VDAC2: variants seen among roughly 807,000 people sequenced by gnomAD.
VDAC2 encodes non-selective voltage-gated ion channel VDAC2.
A neutral mutation model predicts 36.6 loss-of-function variants in VDAC2; 6 were observed. The observed-to-expected ratio is 0.16, with a 90% confidence interval of 0.09 to 0.32. The LOEUF (loss-of-function observed/expected upper bound fraction) is 0.32, where lower values mean the gene tolerates loss of function less well. Ranked by LOEUF, VDAC2 falls within the 10% of genes least tolerant of loss-of-function variation. The pLI, the probability that VDAC2 is intolerant of heterozygous loss-of-function variation, is 1.00. For synonymous variants in VDAC2, 109 were observed against 123.8 expected, an observed-to-expected ratio of 0.88 and a Z score of 0.79; for missense variants, 247 against 346.0, an observed-to-expected ratio of 0.71 and a Z score of 2.27.
chr10:75,222,996 C>G (rs75586341), intron 8 of VDAC2, among the ~76,000 whole-genome samples: 3 of 93,640 alleles, frequency 3.2e-5, no homozygotes, highest in Non-Finnish European at 6.8e-5. Flanking sequence ...TTTTTTTTTT[C>G]TTTTTTGAGA....
chr10:75,227,576 A>AGTTTTTTTTTTTTT (rs1841989654), intron 8 of VDAC2, among the ~76,000 whole-genome samples: 8 of 90,770 alleles, frequency 8.8e-5, no homozygotes, highest in African/African-American at 4.3e-4. Flanking sequence ...AAATAATAGG[A>AGTTTTTTTTTTTTT]ATTTTTTTTT....
At chr10:75,224,965 C>CT (rs1285470613) in intron 8 of VDAC2, among the ~76,000 whole-genome samples, 42 of 152,212 alleles carry the variant, frequency 2.8e-4, no homozygotes, top group Admixed American at 2.7e-3. Context: ...GCAAATATCT[C>CT]TAATTCTTAC....
At chr10:75,212,922 G>T (rs1841473657) in intron 3 of VDAC2, among the ~76,000 whole-genome samples, 1 of 152,058 alleles carries the variant, frequency 6.6e-6, no homozygotes, top group South Asian at 2.1e-4. Flanking sequence ...TGCTTTTGTG[G>T]TGACTCCTAA....
chr10:75,229,776 C>A lies in VDAC2; in HGVS notation c.793+75C>A, dbSNP rs544286549. ...AGTTTTCATTCTTCAGCTTACTTTT[C>A]AGACCTTTCAAGCACACAGAAGAGT... On this transcript the variant is annotated intron_variant, in intron 9 of 9. Coordinates refer to ENST00000332211, the MANE Select transcript of VDAC2 (RefSeq NM_001391963.1). The A allele has an allele frequency of 1.5e-5, 18 of 1,213,908 alleles. No individual in the cohort carries two copies. The South Asian group carries it at 2.4e-4, about 16-fold the overall frequency. 75.2% of individuals were successfully genotyped at this position (1,213,908 alleles called of 1,614,324 possible).
chr10:75,219,888 C>CTCACT (rs1841751908), intron 6 of VDAC2, among the ~76,000 whole-genome samples: 1 of 147,022 alleles, frequency 6.8e-6, no homozygotes, highest in Non-Finnish European at 1.5e-5. Flanking sequence ...AGTGCAGTGG[C>CTCACT]GCGATCTCGG....
In VDAC2 at chr10:75,219,049, G is replaced by C; in HGVS notation, c.151-14G>C. The C allele has an allele frequency of 1.2e-6, 2 of 1,603,452 alleles. No individual in the cohort carries two copies. Among genetic ancestry groups the C allele is most frequent in the Non-Finnish European group, 1.7e-6 (2 of 1,176,444 alleles). Reference sequence around the variant, plus strand: ...TTATGAGAATGTTCATGAAGTTATTGATTGTCTTGTTAGGAATTTTCAACG... The same window carrying C: ...TTATGAGAATGTTCATGAAGTTATTCATTGTCTTGTTAGGAATTTTCAACG... On this transcript the variant is annotated splice_polypyrimidine_tract_variant and intron_variant, in intron 4 of 9. Coordinates refer to ENST00000332211, the MANE Select transcript of VDAC2 (RefSeq NM_001391963.1).
At chr10:75,223,911 G>A (rs979293178) in intron 8 of VDAC2, among the ~76,000 whole-genome samples, 5 of 152,260 alleles carry the variant, frequency 3.3e-5, no homozygotes, top group African/African-American at 1.2e-4. Flanking sequence ...AAGGTGGCAT[G>A]TCTGGAGAGG....
At chr10:75,226,753 C>G (rs1191061415) in intron 8 of VDAC2, among the ~76,000 whole-genome samples, 3 of 152,136 alleles carry the variant, frequency 2.0e-5, no homozygotes, top group African/African-American at 4.8e-5. Flanking sequence ...CGAGCCACTG[C>G]GCCCTGGGCT....
intron 3 of VDAC2, 62 bp from the exon 4 acceptor site, chr10:75,213,959 A>G (rs1284196576): frequency 1.4e-5 from 21 of 1,538,020 alleles, no homozygotes; most frequent in African/African-American, 2.7e-5. Context: ...ATAGTCAACA[A>G]TTGCTATGCA....
chr10:75,221,591 A>G (rs1185593073), intron 7 of VDAC2, among the ~76,000 whole-genome samples: 1 of 152,208 alleles, frequency 6.6e-6, no homozygotes. Context: ...TGCTGGGATT[A>G]CAGGCGTGAG....
Position 75,229,654 on chromosome 10 carries a change from A to G in VDAC2, c.746A>G (p.Asn249Ser). Reference protein sequence around the residue: ...DPTASISAKVNNSSLIGVGYT... With the variant: ...DPTASISAKVSNSSLIGVGYT... ...TGTATTTTATTTTAGGCAAAAGTCA[A>G]CAACTCTAGCTTAATTGGAGTAGGC... Residue 249 changes from asparagine to serine, a missense_variant, in exon 9 of 10, where the codon AAC becomes AGC. Asn to Ser is a conservative substitution (Grantham distance 46). Around this residue, in one of 3 missense-constraint regions of VDAC2, gnomAD observed 159 missense variants for 234.0 expected, o/e 0.68. Transcript: ENST00000332211. 6.2e-7 allele frequency: 1 copy of G among 1,604,528 alleles called. No homozygotes were observed. Among genetic ancestry groups the G allele is most frequent in the African/African-American group, 1.3e-5 (1 of 74,408 alleles).
intron 4 of VDAC2, among the ~76,000 whole-genome samples, chr10:75,218,739 C>T (rs1256569206): frequency 3.3e-5 from 5 of 150,304 alleles, no homozygotes; most frequent in East Asian, 1.9e-4. Context: ...TCCAGCCTGG[C>T]GATAGAGCGG....
chr10:75,222,144 C>G (rs1590008411), intron 7 of VDAC2, 108 bp from the exon 8 acceptor site: 1 of 1,194,906 alleles, frequency 8.4e-7, no homozygotes, highest in South Asian at 1.6e-5. Context: ...CACTAAAGAC[C>G]CACTTGAGCT....
At chr10:75,212,161 A>T in intron 2 of VDAC2, 69 bp from the exon 3 acceptor site, 2 of 1,385,476 alleles carry the variant, frequency 1.4e-6, no homozygotes. Flanking sequence ...GCAGTGGGTC[A>T]TGCTCTTGTT....
intron 4 of VDAC2, 30 bp downstream of exon 4, chr10:75,214,100 G>A (rs748453922): frequency 6.2e-7 from 1 of 1,605,558 alleles, no homozygotes; most frequent in Admixed American, 1.7e-5. Context: ...AAGTTCTATT[G>A]AACCTTTATA....
chr10:75,226,654 G>A (rs1301122887), intron 8 of VDAC2, among the ~76,000 whole-genome samples: 1 of 151,910 alleles, frequency 6.6e-6, no homozygotes, highest in Non-Finnish European at 1.5e-5. Flanking sequence ...GTAGAAATGA[G>A]GTTTCACCGT....
At chr10:75,226,227 C>G (rs1196160092) in intron 8 of VDAC2, among the ~76,000 whole-genome samples, 1 of 151,774 alleles carries the variant, frequency 6.6e-6, no homozygotes, top group Non-Finnish European at 1.5e-5. Flanking sequence ...ATATATGGAC[C>G]TTTTTGCTGT....
At position 75,218,710 on chromosome 10, in the gene VDAC2, C is replaced by T. The variant is rs142970716; in HGVS notation, c.151-353C>T. On this transcript the variant is annotated intron_variant, in intron 4 of 9. Coordinates refer to ENST00000332211, the MANE Select transcript of VDAC2 (RefSeq NM_001391963.1). Reference sequence around the variant, plus strand: ...CTGGAAGGCGGAGGTTGCAGTATGCCGAGATCACGCCACTGCACTCCAGCC... The same window carrying T: ...CTGGAAGGCGGAGGTTGCAGTATGCTGAGATCACGCCACTGCACTCCAGCC... 9.8e-3 allele frequency among the ~76,000 whole-genome samples: 1,479 copies of T among 151,618 alleles called. 5 individuals carry two copies. The highest frequency in any genetic ancestry group is 0.017 in the Non-Finnish European group (1,133 of 67,950).
rs1281719400 is a variant in VDAC2 at position 75,214,027 on chromosome 10, G to A, written c.107G>A (p.Gly36Glu). The change falls in exon 4 of 10, where the codon GGG becomes GAG. Residue 36 changes from glycine (G) to glutamate (E), a missense_variant. Physicochemically the swap from Gly to Glu is moderately conservative, Grantham distance 98. Transcript: ENST00000332211. The stretch of plus-strand genomic sequence containing the variant: ...TGCTGTCTATTTGTTGAAGGTTTTG[G>A]GTTGGTGAAACTGGATGTGAAAACA... ...RDIFNKGFGFGLVKLDVKTKS... is the reference protein window; with the variant it reads ...RDIFNKGFGFELVKLDVKTKS... The A allele has an allele frequency of 1.9e-6, 3 of 1,613,054 alleles. No homozygotes were observed. In the African/African-American group the frequency reaches 4.0e-5, roughly 22 times the overall value.
Sources: allele counts gnomAD v4.1 joint callset (sites outside exome capture counted in the v4.1 genomes callset), GRCh38; gene constraint gnomAD v4.1.1; regional missense constraint gnomAD v4.1.1; transcripts MANE v1.5; gene names NCBI Gene and HGNC (gene_info 2026-07-23, HGNC 2026-07-21).